The following PPARGC1A variants were observed in gnomAD, a reference collection of about 807,000 sequenced individuals.
PPARGC1A encodes peroxisome proliferator-activated receptor gamma coactivator 1-alpha.
Under a neutral mutation model 88.7 loss-of-function variants are expected in PPARGC1A, and 25 were observed. That is an observed-to-expected ratio of 0.28 (90% CI 0.21 to 0.39). The LOEUF (loss-of-function observed/expected upper bound fraction) is 0.39. Among genes scored for constraint, PPARGC1A ranks in the 10% least tolerant of loss-of-function variants. The probability of loss-of-function intolerance (pLI) is 1.00; values close to 1 mark genes in which losing one functional copy is unlikely to be tolerated. For missense variants in PPARGC1A, 880 were observed against 968.7 expected (o/e 0.91, Z 1.22); for synonymous variants, 363 against 355.6 (o/e 1.02, Z -0.24).
intron 1 of PPARGC1A, among the ~76,000 whole-genome samples, chr4:23,886,264 T>C (rs1488953376): frequency 6.6e-6 from 1 of 152,140 alleles, no homozygotes; most frequent in East Asian, 1.9e-4. Context: ...TCCTTGACAT[T>C]TACATTTTGA....
the PPARGC1A span, among the ~76,000 whole-genome samples, chr4:24,251,534 C>T: frequency 0.087 from 13,188 of 152,242 alleles, 735 homozygotes; most frequent in East Asian, 0.29. Context: ...CCCACTCTTC[C>T]TGAAAGCCTG....
chr4:24,209,575 T>C, the PPARGC1A span, among the ~76,000 whole-genome samples: 6 of 152,196 alleles, frequency 3.9e-5, no homozygotes, highest in Non-Finnish European at 8.8e-5. Context: ...TGAGAAGTCC[T>C]GCCCTAAAGT....
the PPARGC1A span, among the ~76,000 whole-genome samples, chr4:24,181,572 T>A: frequency 1.3e-5 from 2 of 152,146 alleles, no homozygotes; most frequent in Admixed American, 6.6e-5. Flanking sequence ...ACAGACTCTA[T>A]CCAGATCCAC....
the PPARGC1A span, among the ~76,000 whole-genome samples, chr4:24,198,275 C>CATGT: frequency 6.6e-6 from 1 of 152,200 alleles, no homozygotes; most frequent in African/African-American, 2.4e-5. Context: ...AATATGCATG[C>CATGT]ATGTATGCAT....
upstream of PPARGC1A, among the ~76,000 whole-genome samples, chr4:23,906,305 A>G (rs2946394): frequency 0.49 from 75,067 of 151,874 alleles, 19,666 homozygotes; most frequent in African/African-American, 0.6. Context: ...GACCACATGA[A>G]AAATCTTATT....
chr4:24,169,194 T>A, the PPARGC1A span, among the ~76,000 whole-genome samples: 1 of 151,934 alleles, frequency 6.6e-6, no homozygotes, highest in Non-Finnish European at 1.5e-5. Context: ...TAATCCCAGG[T>A]GAAGGACATT....
the PPARGC1A span, among the ~76,000 whole-genome samples, chr4:23,975,295 G>C: frequency 6.6e-6 from 1 of 152,020 alleles, no homozygotes; most frequent in Non-Finnish European, 1.5e-5. Flanking sequence ...CAGTTTGTTG[G>C]GTGGCATTTC....
chr4:23,965,666 G>A, the PPARGC1A span, among the ~76,000 whole-genome samples: 7 of 152,134 alleles, frequency 4.6e-5, no homozygotes, highest in African/African-American at 1.4e-4. Flanking sequence ...GAGGGCTGGC[G>A]AAGCTCCTGT....
chr4:23,841,844 ATAG>A (rs1727100844), intron 2 of PPARGC1A, among the ~76,000 whole-genome samples: 2 of 152,216 alleles, frequency 1.3e-5, no homozygotes, highest in South Asian at 4.1e-4. Context: ...AATAATAATA[ATAG>A]TAAATAGCAG....
the PPARGC1A span, among the ~76,000 whole-genome samples, chr4:24,165,885 A>T: frequency 1.3e-5 from 2 of 152,200 alleles, no homozygotes; most frequent in Non-Finnish European, 2.9e-5. Context: ...CCTACTAAGT[A>T]TTCAAGTGAA....
chr4:23,863,403 C>T (rs944846228), intron 2 of PPARGC1A, among the ~76,000 whole-genome samples: 5 of 152,160 alleles, frequency 3.3e-5, no homozygotes, highest in Non-Finnish European at 7.3e-5. Context: ...ACTTCACATG[C>T]CTGGGCCTCA....
At chr4:23,963,958 G>A in the PPARGC1A span, among the ~76,000 whole-genome samples, 10 of 152,134 alleles carry the variant, frequency 6.6e-5, no homozygotes, top group Non-Finnish European at 2.9e-5. Flanking sequence ...GCAGATGGAG[G>A]TAATACCCAG....
the PPARGC1A span, among the ~76,000 whole-genome samples, chr4:24,039,974 G>C: frequency 6.6e-6 from 1 of 151,878 alleles, no homozygotes; most frequent in African/African-American, 2.4e-5. Context: ...CAACCATTTG[G>C]CCACAACATA....
the PPARGC1A span, among the ~76,000 whole-genome samples, chr4:23,913,305 G>GAA: frequency 7.1e-5 from 9 of 126,850 alleles, no homozygotes; most frequent in African/African-American, 1.1e-4. Context: ...GAGAGAGAGA[G>GAA]AGAAAGAGAA....
At chr4:24,446,303 T>G in the PPARGC1A span, among the ~76,000 whole-genome samples, 1 of 152,232 alleles carries the variant, frequency 6.6e-6, no homozygotes, top group Non-Finnish European at 1.5e-5. Flanking sequence ...TCTCATTGTT[T>G]TGATGTGCAT....
the PPARGC1A span, among the ~76,000 whole-genome samples, chr4:24,238,685 T>C: frequency 5.3e-5 from 8 of 151,588 alleles, no homozygotes; most frequent in African/African-American, 1.7e-4. Flanking sequence ...CCACCTCTCC[T>C]TGGGCATTTT....
the PPARGC1A span, among the ~76,000 whole-genome samples, chr4:24,192,100 T>C: frequency 6.6e-6 from 1 of 152,222 alleles, no homozygotes; most frequent in Non-Finnish European, 1.5e-5. Flanking sequence ...ATTTTCCTGT[T>C]CTTTCTTTTA....
At chr4:24,056,657 A>G in the PPARGC1A span, among the ~76,000 whole-genome samples, 6 of 152,188 alleles carry the variant, frequency 3.9e-5, no homozygotes, top group Non-Finnish European at 1.5e-5. Context: ...GATTTATTTG[A>G]CATCTCCAAG....
At chr4:24,027,645 A>T in the PPARGC1A span, among the ~76,000 whole-genome samples, 1 of 152,184 alleles carries the variant, frequency 6.6e-6, no homozygotes, top group Admixed American at 6.5e-5. Context: ...AACTACCTTG[A>T]AATTTAATTA....
Sources: gnomAD v4.1 joint callset for allele counts (sites outside exome capture counted in the v4.1 genomes callset) on GRCh38, gnomAD v4.1.1 for gene constraint, MANE v1.5 for transcripts, NCBI Gene and HGNC (gene_info 2026-07-23, HGNC 2026-07-21) for gene names.